GPR39: variants seen among roughly 807,000 people sequenced by gnomAD.
The protein encoded by GPR39 is zinc sensing receptor.
In GPR39, 23 loss-of-function variants were observed where a neutral mutation model predicts 18.4. The observed-to-expected ratio is 1.25, with a 90% confidence interval of 0.90 to 1.77. GPR39 has a LOEUF of 1.77. Ranked by LOEUF, GPR39 falls within the 40% of genes most tolerant of loss-of-function variation. The pLI is 0.00. For synonymous variants in GPR39, 280 were observed against 257.9 expected, an observed-to-expected ratio of 1.09 and a Z score of -0.82; for missense variants, 647 against 602.4, an observed-to-expected ratio of 1.07 and a Z score of -0.78.
chr2:132,483,622 A>G (rs1411746364), intron 1 of GPR39, among the ~76,000 whole-genome samples: 2 of 152,240 alleles, frequency 1.3e-5, no homozygotes, highest in African/African-American at 2.4e-5. Flanking sequence ...TCAAAAGAAT[A>G]TCTAACCTTA....
intron 1 of GPR39, among the ~76,000 whole-genome samples, chr2:132,586,213 G>GA (rs1375044565): frequency 6.6e-6 from 1 of 152,104 alleles, no homozygotes; most frequent in Non-Finnish European, 1.5e-5. Flanking sequence ...GGGTGGCGGG[G>GA]AGAGGGGAGC....
At chr2:132,571,142 G>T (rs1360233196) in intron 1 of GPR39, among the ~76,000 whole-genome samples, 1 of 152,158 alleles carries the variant, frequency 6.6e-6, no homozygotes, top group African/African-American at 2.4e-5. Flanking sequence ...CAGGTCCCTG[G>T]TTTAGTTTCT....
chr2:132,463,329 G>A (rs1421197133), intron 1 of GPR39, among the ~76,000 whole-genome samples: 2 of 149,468 alleles, frequency 1.3e-5, no homozygotes, highest in African/African-American at 2.6e-5. Context: ...TGGTATTACA[G>A]GGGTGGTGTG....
At chr2:132,561,146 C>T (rs958987656) in intron 1 of GPR39, among the ~76,000 whole-genome samples, 10 of 152,046 alleles carry the variant, frequency 6.6e-5, no homozygotes, top group Non-Finnish European at 1.2e-4. Context: ...TCTCCAACTC[C>T]TGACCTCATG....
At chr2:132,530,518 C>G (rs1335871083) in intron 1 of GPR39, among the ~76,000 whole-genome samples, 2 of 152,040 alleles carry the variant, frequency 1.3e-5, no homozygotes, top group African/African-American at 4.8e-5. Flanking sequence ...CACAAAGATA[C>G]TCCTTGAGAA....
chr2:132,617,654 A>G (rs1415179050), intron 1 of GPR39, among the ~76,000 whole-genome samples: 3 of 152,270 alleles, frequency 2.0e-5, no homozygotes, highest in Non-Finnish European at 2.9e-5. Flanking sequence ...TCATACGTAT[A>G]GGAAATGTCT....
chr2:132,530,270 A>G (rs959524176), intron 1 of GPR39, among the ~76,000 whole-genome samples: 3 of 152,174 alleles, frequency 2.0e-5, no homozygotes, highest in Admixed American at 6.5e-5. Context: ...GGAAGATGAA[A>G]TGAATGAAAT....
intron 1 of GPR39, among the ~76,000 whole-genome samples, chr2:132,462,609 C>A (rs551864104): frequency 1.2e-4 from 18 of 152,282 alleles, no homozygotes; most frequent in Admixed American, 1.1e-3. Context: ...ACAGCTCTTT[C>A]CTCCTACATT....
intron 1 of GPR39, among the ~76,000 whole-genome samples, chr2:132,625,458 G>A (rs1159453417): frequency 6.6e-6 from 1 of 152,142 alleles, no homozygotes; most frequent in African/African-American, 2.4e-5. Flanking sequence ...GCTGTAATAA[G>A]TGCCATAAAC....
intron 1 of GPR39, among the ~76,000 whole-genome samples, chr2:132,605,336 A>ATTT (rs1681115645): frequency 1.3e-5 from 2 of 152,146 alleles, no homozygotes; most frequent in Non-Finnish European, 2.9e-5. Context: ...CCAGGCATGG[A>ATTT]GGAAAGCCAT....
At chr2:132,536,506 A>T (rs1334459942) in intron 1 of GPR39, among the ~76,000 whole-genome samples, 1 of 152,240 alleles carries the variant, frequency 6.6e-6, no homozygotes, top group African/African-American at 2.4e-5. Flanking sequence ...TCGACTTTAG[A>T]AGAAGTGCCA....
At chr2:132,558,714 A>G (rs1466095726) in intron 1 of GPR39, among the ~76,000 whole-genome samples, 2 of 152,114 alleles carry the variant, frequency 1.3e-5, no homozygotes, top group Non-Finnish European at 2.9e-5. Context: ...TGGGTTCTGG[A>G]AGGTTATTTT....
chr2:132,419,997 G>C (rs1369693283), intron 1 of GPR39, among the ~76,000 whole-genome samples: 2 of 152,206 alleles, frequency 1.3e-5, no homozygotes, highest in Non-Finnish European at 2.9e-5. Context: ...CATAAAATCA[G>C]AATGCCACAG....
chr2:132,539,004 G>A (rs1217547670), intron 1 of GPR39, among the ~76,000 whole-genome samples: 1 of 152,168 alleles, frequency 6.6e-6, no homozygotes, highest in African/African-American at 2.4e-5. Flanking sequence ...GGGCTCTGTG[G>A]GAGTGGGACT....
chr2:132,441,396 T>C (rs1573603727), intron 1 of GPR39, among the ~76,000 whole-genome samples: 1 of 17,650 alleles, frequency 5.7e-5, no homozygotes, highest in East Asian at 4.1e-4. Context: ...TTTTTTTTTG[T>C]TGTTGTTGTT....
At chr2:132,463,419 C>T (rs767468721) in intron 1 of GPR39, among the ~76,000 whole-genome samples, 1 of 148,422 alleles carries the variant, frequency 6.7e-6, no homozygotes, top group African/African-American at 2.5e-5. Flanking sequence ...TCCTAAGAGT[C>T]GGGTCTTTTT....
intron 1 of GPR39, among the ~76,000 whole-genome samples, chr2:132,466,606 C>A (rs561549921): frequency 6.6e-6 from 1 of 152,134 alleles, no homozygotes; most frequent in Admixed American, 6.6e-5. Context: ...AGCATAACCC[C>A]CAGGCTAACA....
chr2:132,510,070 C>T (rs1472845390), intron 1 of GPR39, among the ~76,000 whole-genome samples: 2 of 152,120 alleles, frequency 1.3e-5, no homozygotes, highest in East Asian at 3.9e-4. Flanking sequence ...TCAATGGAGC[C>T]ATTGGCATGG....
At chr2:132,526,898 CT>C (rs1386417278) in intron 1 of GPR39, among the ~76,000 whole-genome samples, 1 of 152,066 alleles carries the variant, frequency 6.6e-6, no homozygotes, top group Non-Finnish European at 1.5e-5. Flanking sequence ...GTGCTAGACC[CT>C]TTTTTTAAAA....
Sources: allele counts gnomAD v4.1 joint callset (sites outside exome capture counted in the v4.1 genomes callset), GRCh38; gene constraint gnomAD v4.1.1; transcripts MANE v1.5; gene names NCBI Gene and HGNC (gene_info 2026-07-23, HGNC 2026-07-21).